FOXP1: variants seen among roughly 807,000 people sequenced by gnomAD.
FOXP1 encodes the protein forkhead box protein P1.
In FOXP1, 15 loss-of-function variants were observed where a neutral mutation model predicts 98.2. The ratio of observed to expected loss-of-function variants is 0.15; its 90% confidence interval spans 0.10 to 0.24. The LOEUF is 0.24. Among genes scored for constraint, FOXP1 ranks in the 10% least tolerant of loss-of-function variants. The probability of loss-of-function intolerance (pLI) is 1.00; values close to 1 mark genes in which losing one functional copy is unlikely to be tolerated. For synonymous variants in FOXP1, 371 were observed against 314.5 expected, an observed-to-expected ratio of 1.18 and a Z score of -1.90; for missense variants, 633 against 848.5, an observed-to-expected ratio of 0.75 and a Z score of 3.15.
chr3:71,241,888 ACT>A (rs1380094014), intron 5 of FOXP1, among the ~76,000 whole-genome samples: 3 of 152,176 alleles, frequency 2.0e-5, no homozygotes, highest in Non-Finnish European at 4.4e-5. Context: ...TTCAGTGAAA[ACT>A]CTCTAAACAA....
chr3:71,300,947 G>A (rs1392287773), intron 4 of FOXP1, among the ~76,000 whole-genome samples: 2 of 152,122 alleles, frequency 1.3e-5, no homozygotes, highest in Non-Finnish European at 2.9e-5. Flanking sequence ...TATTTCACGA[G>A]GGCTAAAAAT....
intron 4 of FOXP1, chr3:71,334,663 GA>G (rs1357075783): frequency 5.3e-5 from 8 of 152,076 alleles, no homozygotes; most frequent in African/African-American, 1.9e-4. Flanking sequence ...GATATGCAAA[GA>G]AAAAATGTGA....
chr3:71,114,582 A>C (rs953267397), intron 6 of FOXP1, among the ~76,000 whole-genome samples: 4 of 152,196 alleles, frequency 2.6e-5, no homozygotes, highest in Non-Finnish European at 4.4e-5. Context: ...GGAAAGTGGA[A>C]CCCTGCTATC....
intron 5 of FOXP1, among the ~76,000 whole-genome samples, chr3:71,265,579 G>A (rs552218414): frequency 6.6e-6 from 1 of 152,328 alleles, no homozygotes; most frequent in Non-Finnish European, 1.5e-5. Flanking sequence ...TTGACAAATA[G>A]CCTATCTCTC....
rs148904045 is a variant in FOXP1, at chr3:71,434,505, T to C, written c.-168+58921A>G. Among the ~76,000 whole-genome samples, 379 of 152,278 alleles carry C rather than the reference T, an allele frequency of 2.5e-3. 4 individuals are homozygous for C. The highest frequency in any genetic ancestry group is 8.1e-3 in the African/African-American group (335 of 41,560). On this transcript the variant is annotated intron_variant, in intron 3 of 20. Coordinates refer to ENST00000649528, the MANE Select transcript of FOXP1 (RefSeq NM_001349338.3). ...GTTTTAAAAGTTTTATGCACATACA[T>C]ATTATGTACACTTGTGCAAATTAAA...
At chr3:70,977,773 G>T (rs1167141464) in intron 15 of FOXP1, 51 bp from the exon 16 acceptor site, 3 of 1,608,714 alleles carry the variant, frequency 1.9e-6, no homozygotes, top group Non-Finnish European at 1.7e-6. Context: ...AAAGGGGCTG[G>T]TCTACAAGAA....
chr3:71,111,984 G>A (rs892527701), intron 7 of FOXP1, among the ~76,000 whole-genome samples: 1 of 151,928 alleles, frequency 6.6e-6, no homozygotes, highest in Non-Finnish European at 1.5e-5. Flanking sequence ...ACGGTGTGTC[G>A]TGTCCTGTGC....
chr3:71,017,012 AAAAAGG>A (rs1377523362), intron 11 of FOXP1, among the ~76,000 whole-genome samples: 1 of 152,150 alleles, frequency 6.6e-6, no homozygotes, highest in African/African-American at 2.4e-5. Context: ...TAGAATAAAA[AAAAAGG>A]AAAAGAAAAA....
At chr3:71,527,794 C>T (rs950778342) in intron 2 of FOXP1, among the ~76,000 whole-genome samples, 1 of 152,202 alleles carries the variant, frequency 6.6e-6, no homozygotes, top group African/African-American at 2.4e-5. Flanking sequence ...AAATGGGACG[C>T]CAAAGGGAAG....
chr3:71,376,640 G>A (rs1390555592), intron 3 of FOXP1, among the ~76,000 whole-genome samples: 1 of 152,156 alleles, frequency 6.6e-6, no homozygotes, highest in East Asian at 1.9e-4. Flanking sequence ...GCCCCAAAAG[G>A]GGGCTCACGG....
At chr3:71,101,763 G>A (rs150980800) in intron 7 of FOXP1, among the ~76,000 whole-genome samples, 18 of 151,800 alleles carry the variant, frequency 1.2e-4, no homozygotes, top group African/African-American at 4.3e-4. Context: ...AGGAGCTAGA[G>A]GAGAGTAGCT....
chr3:70,977,187 T>C lies in FOXP1; in HGVS notation c.1429-145A>G, dbSNP rs1176061009. The C allele has an allele frequency of 6.2e-6, 4 of 647,016 alleles. No individual in the cohort carries two copies. In the East Asian group the frequency reaches 8.2e-5, roughly 13 times the overall value. The allele number at this position is 647,016 out of a possible 1,614,324, so 40.1% of individuals were successfully genotyped here. ...CAAAATGATCTAAGATTAATGGTTG[T>C]ATTTAACAGTTCAATAGCAAAATTC... On this transcript the variant is annotated intron_variant, in intron 16 of 20. Coordinates refer to ENST00000649528, the MANE Select transcript of FOXP1 (RefSeq NM_001349338.3).
At chr3:71,021,332 A>G (rs2045398750) in intron 11 of FOXP1, among the ~76,000 whole-genome samples, 1 of 152,082 alleles carries the variant, frequency 6.6e-6, no homozygotes, top group African/African-American at 2.4e-5. Flanking sequence ...ACTTCCCATA[A>G]TCCTCGGAGT....
At chr3:71,260,108 G>C (rs2568838) in intron 5 of FOXP1, among the ~76,000 whole-genome samples, 58,490 of 151,922 alleles carry the variant, frequency 0.39, 11,617 homozygotes, top group East Asian at 0.61. Flanking sequence ...CTCAGCCTCC[G>C]GAGTAGCTGG....
At chr3:71,431,356 T>G (rs925949645) in intron 3 of FOXP1, among the ~76,000 whole-genome samples, 3 of 152,104 alleles carry the variant, frequency 2.0e-5, no homozygotes, top group African/African-American at 7.2e-5. Flanking sequence ...GAAGTACCTG[T>G]GTGGTTTTCT....
intron 17 of FOXP1, among the ~76,000 whole-genome samples, chr3:70,974,053 G>A (rs1260562417): frequency 6.6e-6 from 1 of 152,076 alleles, no homozygotes; most frequent in East Asian, 1.9e-4. Flanking sequence ...AATGCATGGT[G>A]TGATGAATTG....
At chr3:71,215,629 C>T (rs532273272) in intron 5 of FOXP1, among the ~76,000 whole-genome samples, 4 of 151,628 alleles carry the variant, frequency 2.6e-5, no homozygotes, top group South Asian at 2.1e-4. Context: ...ATAAAATGAA[C>T]GTGAACTAAC....
At chr3:71,049,640 G>A (rs2049562580) in intron 9 of FOXP1, among the ~76,000 whole-genome samples, 1 of 152,058 alleles carries the variant, frequency 6.6e-6, no homozygotes, top group Admixed American at 6.6e-5. Flanking sequence ...AGGAAAAAAA[G>A]GGGGTGGGGG....
At chr3:71,206,332 C>G (rs1042760672) in intron 5 of FOXP1, among the ~76,000 whole-genome samples, 7 of 152,168 alleles carry the variant, frequency 4.6e-5, no homozygotes, top group Admixed American at 1.3e-4. Flanking sequence ...TTAATTAAAT[C>G]TGTTAGGTCT....
Sources: allele counts gnomAD v4.1 joint callset (sites outside exome capture counted in the v4.1 genomes callset), GRCh38; gene constraint gnomAD v4.1.1; transcripts MANE v1.5; gene names NCBI Gene and HGNC (gene_info 2026-07-23, HGNC 2026-07-21).